Variants in ADCY8 observed in about 807,000 individuals in gnomAD.
The protein encoded by ADCY8 is adenylate cyclase type 8.
In ADCY8, 51 loss-of-function variants were observed where a neutral mutation model predicts 119.7. That is an observed-to-expected ratio of 0.43 (90% CI 0.34 to 0.54). The LOEUF (loss-of-function observed/expected upper bound fraction) is 0.54, where lower values mean the gene tolerates loss of function less well. Among genes scored for constraint, ADCY8 ranks in the 20% least tolerant of loss-of-function variants. The probability of loss-of-function intolerance (pLI) is 0.03; values close to 1 mark genes in which losing one functional copy is unlikely to be tolerated. For synonymous variants in ADCY8, 665 were observed against 651.0 expected (o/e 1.02, Z -0.33); for missense variants, 1,383 against 1,598.8 (o/e 0.87, Z 2.30).
At position 131,000,056 on chromosome 8, in the gene ADCY8, C is replaced by T. The variant is rs370724622; in HGVS notation, c.961-9514G>A. Among the ~76,000 whole-genome samples the T allele has an allele frequency of 9.2e-5, 14 of 152,214 alleles. No individual in the cohort carries two copies. The East Asian group carries it at 2.7e-3, about 29-fold the overall frequency. ...AAGTGCAGAACACTTTACAAAGTCCCTTTCATACATGTTCATATTTAATTT... is the reference window on the plus strand; with the variant it reads ...AAGTGCAGAACACTTTACAAAGTCCTTTTCATACATGTTCATATTTAATTT... On this transcript the variant is annotated intron_variant, in intron 1 of 17. Coordinates refer to ENST00000286355, the MANE Select transcript of ADCY8 (RefSeq NM_001115.3).
chr8:131,037,135 G>T (rs891414104), intron 1 of ADCY8, among the ~76,000 whole-genome samples: 1 of 152,190 alleles, frequency 6.6e-6, no homozygotes, highest in Admixed American at 6.5e-5. Flanking sequence ...ACTGAAGTGA[G>T]GGGAGAGCGC....
At chr8:130,813,995 T>G (rs2130170009) in intron 14 of ADCY8, 74 bp downstream of exon 14, 2 of 1,551,192 alleles carry the variant, frequency 1.3e-6, no homozygotes, top group East Asian at 2.3e-5. Flanking sequence ...CTCCCAGAGT[T>G]TGGGATCAAT....
At chr8:131,027,986 AG>A (rs767602072) in intron 1 of ADCY8, among the ~76,000 whole-genome samples, 1 of 152,210 alleles carries the variant, frequency 6.6e-6, no homozygotes, top group Non-Finnish European at 1.5e-5. Context: ...CTCACAGCCC[AG>A]CTGGTGAGAG....
intron 9 of ADCY8, among the ~76,000 whole-genome samples, chr8:130,861,328 T>A (rs764192659): frequency 2.0e-5 from 3 of 152,220 alleles, no homozygotes; most frequent in Admixed American, 1.3e-4. Context: ...TTCCAATCCA[T>A]GAACACAGAA....
At position 131,040,005 on chromosome 8, in the gene ADCY8, G is replaced by C. The variant is rs375176511; in HGVS notation, c.329C>G (p.Pro110Arg). Residue 110 changes from proline (P) to arginine (R), a missense_variant, in exon 1 of 18, where the codon CCG becomes CGG. Transcript: ENST00000286355. Reference sequence around the variant, plus strand: ...GGCACTGCCGCTCCCGCTGCGTTCCGGGAAGACTTTGGTGCCGCAGGTGCT... The same window carrying C: ...GGCACTGCCGCTCCCGCTGCGTTCCCGGAAGACTTTGGTGCCGCAGGTGCT... ...AHSTCGTKVF[P>R]ERSGSGSASG... 3 of 1,563,356 alleles carry C rather than the reference G, an allele frequency of 1.9e-6. No homozygotes were observed. Among genetic ancestry groups the C allele is most frequent in the Non-Finnish European group, 2.6e-6 (3 of 1,156,444 alleles).
At chr8:130,901,723 A>G (rs1216340841) in intron 7 of ADCY8, among the ~76,000 whole-genome samples, 2 of 152,204 alleles carry the variant, frequency 1.3e-5, no homozygotes, top group Non-Finnish European at 2.9e-5. Flanking sequence ...GCACGCGGTT[A>G]TTCATGAATA....
chr8:131,033,708 T>A (rs1824062132), intron 1 of ADCY8, among the ~76,000 whole-genome samples: 1 of 151,970 alleles, frequency 6.6e-6, no homozygotes, highest in East Asian at 1.9e-4. Flanking sequence ...TAATTGGTCA[T>A]TTCAGCAGTC....
At chr8:130,786,516 A>C (rs548574918) in intron 15 of ADCY8, among the ~76,000 whole-genome samples, 2 of 152,278 alleles carry the variant, frequency 1.3e-5, no homozygotes, top group South Asian at 4.1e-4. Context: ...CAGCCCTGTA[A>C]GTTTCATTTT....
At chr8:130,791,533 G>A (rs1312845475) in intron 15 of ADCY8, among the ~76,000 whole-genome samples, 5 of 152,250 alleles carry the variant, frequency 3.3e-5, no homozygotes, top group Non-Finnish European at 7.3e-5. Flanking sequence ...ATGCCCAGGG[G>A]CTGTGGCATA....
At chr8:131,016,657 T>C (rs1823483557) in intron 1 of ADCY8, among the ~76,000 whole-genome samples, 1 of 152,056 alleles carries the variant, frequency 6.6e-6, no homozygotes, top group Non-Finnish European at 1.5e-5. Flanking sequence ...ATGGTACATT[T>C]AAGGGACTCC....
intron 1 of ADCY8, among the ~76,000 whole-genome samples, 162 bp downstream of exon 1, chr8:131,039,212 T>A (rs1002489502): frequency 6.6e-6 from 1 of 152,158 alleles, no homozygotes; most frequent in African/African-American, 2.4e-5. Flanking sequence ...TAAGAAGAGA[T>A]TGCATTCCGC....
chr8:130,993,323 A>G (rs1344293409), intron 1 of ADCY8, among the ~76,000 whole-genome samples: 2 of 152,334 alleles, frequency 1.3e-5, no homozygotes, highest in Middle Eastern at 3.4e-3. Flanking sequence ...AATAAGATAA[A>G]AGTCTATGTA....
intron 1 of ADCY8, among the ~76,000 whole-genome samples, chr8:131,038,852 T>C (rs1824251783): frequency 6.6e-6 from 1 of 152,170 alleles, no homozygotes; most frequent in Non-Finnish European, 1.5e-5. Context: ...ACATAACACG[T>C]ACAGTACTCA....
At chr8:131,011,263 A>G (rs1486245701) in intron 1 of ADCY8, among the ~76,000 whole-genome samples, 1 of 152,222 alleles carries the variant, frequency 6.6e-6, no homozygotes, top group Non-Finnish European at 1.5e-5. Flanking sequence ...TCATGTGGAC[A>G]CAGGGACATT....
chr8:130,919,841 T>G (rs2130578105), intron 5 of ADCY8, among the ~76,000 whole-genome samples: 1 of 152,294 alleles, frequency 6.6e-6, no homozygotes, highest in East Asian at 1.9e-4. Context: ...CTTTGTGTCT[T>G]GCTTGTTTCT....
chr8:130,952,443 T>C (rs1041998788), intron 2 of ADCY8, among the ~76,000 whole-genome samples: 1 of 152,206 alleles, frequency 6.6e-6, no homozygotes, highest in Non-Finnish European at 1.5e-5. Flanking sequence ...GAGTCTGTCC[T>C]GTGTAGTGCA....
intron 11 of ADCY8, among the ~76,000 whole-genome samples, chr8:130,846,635 C>T (rs1817310470): frequency 9.0e-6 from 1 of 111,076 alleles, no homozygotes; most frequent in African/African-American, 3.1e-5. Context: ...CTTCCTTCTC[C>T]TTCCTTCCCT....
chr8:130,971,878 G>C (rs1396360914), intron 2 of ADCY8, among the ~76,000 whole-genome samples: 2 of 152,236 alleles, frequency 1.3e-5, no homozygotes, highest in African/African-American at 4.8e-5. Flanking sequence ...AGATTATAAA[G>C]AGGCTTGTGT....
chr8:131,001,999 G>A (rs189763895), intron 1 of ADCY8, among the ~76,000 whole-genome samples: 68 of 152,256 alleles, frequency 4.5e-4, no homozygotes, highest in African/African-American at 1.5e-3. Context: ...TCCTCACTAC[G>A]GGAGTGGATA....
Sources: gnomAD v4.1 joint callset for allele counts (sites outside exome capture counted in the v4.1 genomes callset) on GRCh38, gnomAD v4.1.1 for gene constraint, MANE v1.5 for transcripts, NCBI Gene and HGNC (gene_info 2026-07-23, HGNC 2026-07-21) for gene names.